DEFB121: variants seen among roughly 807,000 people sequenced by gnomAD.
DEFB121 encodes beta-defensin 121.
A neutral mutation model predicts 2.5 loss-of-function variants in DEFB121; 5 were observed. The observed-to-expected ratio is 1.96, with a 90% CI of 1.03 to 4.13. DEFB121 has a LOEUF of 4.13. DEFB121 is among the 30% of genes most tolerant of loss of function. The pLI, the probability that DEFB121 is intolerant of heterozygous loss-of-function variation, is 0.00. For missense variants in DEFB121, 87 were observed against 85.0 expected, an observed-to-expected ratio of 1.02 and a Z score of -0.09; for synonymous variants, 39 against 32.6, an observed-to-expected ratio of 1.20 and a Z score of -0.67.
upstream of DEFB121, among the ~76,000 whole-genome samples, chr20:31,415,122 T>G (rs879599288): frequency 3.9e-5 from 6 of 152,204 alleles, no homozygotes; most frequent in Admixed American, 3.9e-4. Context: ...ACATTGTACC[T>G]AGAGTCAATA....
At chr20:31,407,966 C>T (rs755390913), upstream of DEFB121, among the ~76,000 whole-genome samples, 12 of 152,028 alleles carry the variant, frequency 7.9e-5, no homozygotes, top group Admixed American at 1.3e-4. Context: ...TTGGTAGAGA[C>T]GAGGTTTCAC....
chr20:31,405,176 A>T, intron 1 of DEFB121, 91 bp from the exon 2 acceptor site: 4 of 1,319,670 alleles, frequency 3.0e-6, no homozygotes, highest in Non-Finnish European at 4.1e-6. Flanking sequence ...GTAGAGGAGT[A>T]GGAGGGAAAT....
intron 1 of DEFB121, 76 bp downstream of exon 1, chr20:31,406,019 C>G (rs546347831): frequency 3.9e-6 from 6 of 1,537,418 alleles, no homozygotes; most frequent in Non-Finnish European, 5.4e-6. Context: ...CCAGCCCAAC[C>G]TGTCAGAGTC....
upstream of DEFB121, among the ~76,000 whole-genome samples, chr20:31,410,521 GTAAAA>G (rs1454816924): frequency 6.6e-6 from 1 of 152,168 alleles, no homozygotes; most frequent in Non-Finnish European, 1.5e-5. Flanking sequence ...TAATAAATCA[GTAAAA>G]TAAAATAAGA....
chr20:31,412,745 G>T (rs1600533574), exon 1 of DEFB121: 1 of 1,133,434 alleles, frequency 8.8e-7, no homozygotes, highest in Non-Finnish European at 1.2e-6. Context: ...GTAGCTCAGA[G>T]ATCTCTCTGC....
exon 1 of DEFB121, chr20:31,412,652 T>C (rs1056198816): frequency 7.7e-7 from 1 of 1,290,868 alleles, no homozygotes; most frequent in African/African-American, 1.5e-5. Flanking sequence ...ATTTGGCTAT[T>C]GACCTCTTTC....
chr20:31,407,567 C>T (rs1173080649), upstream of DEFB121, among the ~76,000 whole-genome samples: 2 of 152,194 alleles, frequency 1.3e-5, no homozygotes, highest in African/African-American at 4.8e-5. Flanking sequence ...CCAGGCGACT[C>T]ACAGATCTAC....
exon 1 of DEFB121, chr20:31,412,762 T>G: frequency 9.5e-7 from 1 of 1,049,470 alleles, no homozygotes; most frequent in Non-Finnish European, 1.3e-6. Flanking sequence ...CTGCTCACCG[T>G]GATCTTCAAG....
At chr20:31,410,851 AG>A (rs1568740205), upstream of DEFB121, among the ~76,000 whole-genome samples, 2 of 151,824 alleles carry the variant, frequency 1.3e-5, no homozygotes, top group Admixed American at 6.6e-5. Context: ...AGAGAGAGAG[AG>A]AGAAAGAGAG....
upstream of DEFB121, among the ~76,000 whole-genome samples, chr20:31,410,125 A>C (rs1401457817): frequency 1.3e-5 from 2 of 152,260 alleles, no homozygotes; most frequent in Admixed American, 1.3e-4. Flanking sequence ...AAAACCACTT[A>C]AAATATATAC....
chr20:31,415,386 A>C (rs1268847938), upstream of DEFB121, among the ~76,000 whole-genome samples: 1 of 151,950 alleles, frequency 6.6e-6, no homozygotes, highest in Non-Finnish European at 1.5e-5. Context: ...AGTAGGTGGG[A>C]TCACAGGCAC....
intron 1 of DEFB121, chr20:31,412,477 C>G (rs758990785): frequency 2.2e-6 from 1 of 464,930 alleles, no homozygotes; most frequent in Non-Finnish European, 3.7e-6. Context: ...TTAATTATCT[C>G]TAATATGGAG....
upstream of DEFB121, among the ~76,000 whole-genome samples, chr20:31,415,533 A>G (rs1978782341): frequency 6.6e-6 from 1 of 152,186 alleles, no homozygotes; most frequent in South Asian, 2.1e-4. Context: ...TACAGGAGTG[A>G]GCTACCATGC....
At position 31,404,929 on chromosome 20, in the gene DEFB121, G is replaced by T; in HGVS notation, c.215C>A (p.Ser72Ter). 1 of 1,613,994 alleles carries T rather than the reference G, an allele frequency of 6.2e-7. No individual in the cohort carries two copies. The highest frequency in any genetic ancestry group is 2.2e-5 in the East Asian group (1 of 44,882). ...AGAGAGGTGTCAGACTGCAGAAGTT[G>T]ATTCCAGGCTTGTATTTGTGTCTGT... ...KLTDTNTSLESTSAV is the reference protein window; with the variant it reads ...KLTDTNTSLE Residue 72 changes from serine to a stop codon, truncating the protein, a stop_gained, in exon 2 of 2, where the codon TCA becomes TAA. Transcript: ENST00000376314. LOFTEE classifies it high-confidence loss of function.
upstream of DEFB121, among the ~76,000 whole-genome samples, chr20:31,417,118 G>A (rs1323157320): frequency 2.0e-5 from 3 of 152,172 alleles, no homozygotes; most frequent in African/African-American, 7.2e-5. Flanking sequence ...GGCCGAAGCA[G>A]GCAGATCACT....
chr20:31,413,874 G>C (rs1175884787), upstream of DEFB121, among the ~76,000 whole-genome samples: 10 of 152,310 alleles, frequency 6.6e-5, no homozygotes, highest in South Asian at 2.1e-3. Context: ...AATGTAAAAT[G>C]GTGTGGCCAC....
chr20:31,416,924 ACT>A (rs977313098), upstream of DEFB121, among the ~76,000 whole-genome samples: 18 of 152,168 alleles, frequency 1.2e-4, no homozygotes, highest in African/African-American at 4.1e-4. Flanking sequence ...CTCTCAGTAT[ACT>A]CTGTTTATCT....
At chr20:31,416,522 G>A (rs1459427622), upstream of DEFB121, among the ~76,000 whole-genome samples, 3 of 152,200 alleles carry the variant, frequency 2.0e-5, no homozygotes, top group Non-Finnish European at 4.4e-5. Flanking sequence ...GTTTGTGAGT[G>A]TAGAGTCTCA....
chr20:31,407,509 T>C (rs1350719401), upstream of DEFB121, among the ~76,000 whole-genome samples: 1 of 152,184 alleles, frequency 6.6e-6, no homozygotes, highest in African/African-American at 2.4e-5. Context: ...GAGAAGAACA[T>C]GCCCCAGTGG....
Sources: allele counts gnomAD v4.1 joint callset (sites outside exome capture counted in the v4.1 genomes callset), GRCh38; gene constraint gnomAD v4.1.1; transcripts MANE v1.5; gene names NCBI Gene and HGNC (gene_info 2026-07-23, HGNC 2026-07-21).